TRPM1: variants seen among roughly 807,000 people sequenced by gnomAD.
The protein encoded by TRPM1 is TRPM1-203 APA Isoform, Intron 10.
In TRPM1, 113 loss-of-function variants were observed where a neutral mutation model predicts 149.4. That is an observed-to-expected ratio of 0.76 (90% confidence interval 0.65 to 0.88). The LOEUF (loss-of-function observed/expected upper bound fraction) is 0.88, where lower values mean the gene tolerates loss of function less well. TRPM1 is among the 40% of genes least tolerant of loss of function. The pLI, the probability that TRPM1 is intolerant of heterozygous loss-of-function variation, is 0.00. For synonymous variants in TRPM1, 741 were observed against 759.5 expected (o/e 0.98, Z 0.40); for missense variants, 1,976 against 2,038.7 (o/e 0.97, Z 0.59).
At chr15:31,128,393 C>G (rs1210847812) in intron 1 of TRPM1, among the ~76,000 whole-genome samples, 1 of 152,158 alleles carries the variant, frequency 6.6e-6, no homozygotes, top group African/African-American at 2.4e-5. Flanking sequence ...TGTCTTTGTT[C>G]TGAATTCTTC....
chr15:31,088,589 A>C (rs2035080625), intron 1 of TRPM1, among the ~76,000 whole-genome samples: 1 of 152,240 alleles, frequency 6.6e-6, no homozygotes, highest in South Asian at 2.1e-4. Context: ...GAGCAAGGCC[A>C]AGAACCCACC....
chr15:31,069,651 A>T (rs765861087), intron 4 of TRPM1: 1 of 1,371,198 alleles, frequency 7.3e-7, no homozygotes, highest in Admixed American at 3.2e-5. Flanking sequence ...CAGACCTCAG[A>T]GGAAAATATT....
At chr15:31,128,366 T>G (rs558576755) in intron 1 of TRPM1, among the ~76,000 whole-genome samples, 4 of 152,196 alleles carry the variant, frequency 2.6e-5, no homozygotes. Context: ...TCTCTTTCGC[T>G]TGTGGGCTGC....
intron 1 of TRPM1, among the ~76,000 whole-genome samples, chr15:31,089,022 C>G (rs2035125674): frequency 6.6e-6 from 1 of 152,132 alleles, no homozygotes; most frequent in Non-Finnish European, 1.5e-5. Context: ...GCAAGTGAGG[C>G]ACTCAAATGG....
chr15:31,107,231 T>C (rs1021490371), intron 1 of TRPM1, among the ~76,000 whole-genome samples: 1 of 152,208 alleles, frequency 6.6e-6, no homozygotes, highest in Admixed American at 6.5e-5. Context: ...TCCAATGTCT[T>C]TACTTTTTAT....
At position 31,001,627 on chromosome 15, in the gene TRPM1, G is replaced by A. The variant is rs1026150884; in HGVS notation, c.*195C>T. ...ATCATCACTTTCATTTGATACTACTGCAACTGAAAAAACTAAGCCTACTAA... is the reference window on the plus strand; with the variant it reads ...ATCATCACTTTCATTTGATACTACTACAACTGAAAAAACTAAGCCTACTAA... On this transcript the variant is annotated 3_prime_UTR_variant, in exon 28 of 28. Coordinates refer to ENST00000256552, the MANE Select transcript of TRPM1 (RefSeq NM_001252024.2). 1 of 626,428 alleles carries A rather than the reference G, an allele frequency of 1.6e-6. No homozygotes were observed. Among genetic ancestry groups the A allele is most frequent in the Admixed American group, 3.0e-5 (1 of 33,804 alleles). The allele number at this position is 626,428 out of a possible 1,614,324, so 38.8% of individuals were successfully genotyped here. A position where few individuals can be genotyped will look rare whatever the true frequency, so the allele number is the denominator to read the frequency against.
intron 1 of TRPM1, among the ~76,000 whole-genome samples, chr15:31,088,086 G>T (rs1278720259): frequency 1.3e-5 from 2 of 152,166 alleles, no homozygotes; most frequent in Non-Finnish European, 2.9e-5. Flanking sequence ...CTTCTGGGTC[G>T]GGTGGGGACT....
In TRPM1 at chr15:31,090,959, G is replaced by A. The variant is rs1026798296; in HGVS notation, c.-83-9521C>T. 8.5e-5 allele frequency among the ~76,000 whole-genome samples: 13 copies of A among 152,324 alleles called. No homozygotes were observed. In the East Asian group the frequency reaches 2.3e-3, roughly 27 times the overall value. On this transcript the variant is annotated intron_variant, in intron 1 of 27. Transcript: ENST00000256552. The stretch of plus-strand genomic sequence containing the variant: ...TTCTCATGGTTTCTGTAAGGATTAA[G>A]TGTGATTAAGTGTGTAAAACTTCAA...
Position 31,041,941 on chromosome 15 carries a change from A to T in TRPM1, c.2087+10T>A, listed in dbSNP as rs899473318. The T allele has an allele frequency of 2.5e-6, 4 of 1,614,066 alleles. No homozygotes were observed. Among genetic ancestry groups the T allele is most frequent in the Non-Finnish European group, 3.4e-6 (4 of 1,179,986 alleles). ...CTCTCCTGGCCTTTAAATCCCCGCT[A>T]GACACTAACTTGGAATTGTTATCCA... On this transcript the variant is annotated intron_variant, in intron 17 of 27. Coordinates refer to ENST00000256552, the MANE Select transcript of TRPM1 (RefSeq NM_001252024.2).
intron 8 of TRPM1, 151 bp from the exon 9 acceptor site, chr15:31,062,853 T>A: frequency 9.8e-7 from 1 of 1,023,390 alleles, no homozygotes; most frequent in Non-Finnish European, 1.5e-6. Context: ...AACATCGTAT[T>A]CTCACTTGTC....
intron 3 of TRPM1, chr15:31,070,613 C>T (rs1362665724): frequency 2.0e-5 from 8 of 407,866 alleles, no homozygotes; most frequent in African/African-American, 1.2e-4. Context: ...AGTGTAGTGG[C>T]GCTATCATAG....
rs756035017 is a variant in TRPM1 at position 31,031,155 on chromosome 15, C to T, written c.2955G>A (p.Met985Ile). Reference sequence around the variant, plus strand: ...TGACCACAAAGTACAGCATGTCGATCATCTGAGTAAGGAGAACATTTGTCT... The same window carrying T: ...TGACCACAAAGTACAGCATGTCGATTATCTGAGTAAGGAGAACATTTGTCT... ...GPYVMMIGKM[M>I]IDMLYFVVIM... is the part of the protein sequence containing the mutation. The change falls in exon 23 of 28, where the codon ATG (methionine) becomes ATA (isoleucine). Residue 985 changes from methionine (M) to isoleucine (I), a missense_variant and splice_region_variant. Met to Ile is a conservative substitution (Grantham distance 10). This residue lies in a region of TRPM1 where 1,332 missense variants were observed against 1,347.1 expected (regional missense o/e 0.99). Coordinates refer to ENST00000256552, the MANE Select transcript of TRPM1 (RefSeq NM_001252024.2). The T allele has an allele frequency of 1.9e-6, 3 of 1,614,208 alleles. No homozygotes were observed. Among genetic ancestry groups the T allele is most frequent in the East Asian group, 2.2e-5 (1 of 44,892 alleles).
intron 1 of TRPM1, among the ~76,000 whole-genome samples, chr15:31,159,047 T>A (rs939624143): frequency 2.6e-5 from 4 of 152,120 alleles, no homozygotes; most frequent in African/African-American, 9.7e-5. Flanking sequence ...TCGCTCTGGT[T>A]CAAACACCTT....
intron 1 of TRPM1, among the ~76,000 whole-genome samples, chr15:31,111,348 C>T (rs1299307086): frequency 6.6e-6 from 1 of 152,180 alleles, no homozygotes. Flanking sequence ...TTTGCTGGGA[C>T]CTAATGGAGG....
intron 1 of TRPM1, among the ~76,000 whole-genome samples, chr15:31,125,011 C>CA (rs962567240): frequency 2.7e-4 from 41 of 151,792 alleles, no homozygotes; most frequent in African/African-American, 8.9e-4. Context: ...CCGTCTCTTT[C>CA]AAAAATACAA....
chr15:31,109,333 C>CTAAA (rs2035651239), intron 1 of TRPM1, among the ~76,000 whole-genome samples: 2 of 32,298 alleles, frequency 6.2e-5, no homozygotes, highest in Non-Finnish European at 1.2e-4. Context: ...GACTCTGCCT[C>CTAAA]AAAAAAAAAA....
chr15:31,149,588 T>C (rs563916141), intron 1 of TRPM1, among the ~76,000 whole-genome samples: 44 of 151,460 alleles, frequency 2.9e-4, no homozygotes, highest in South Asian at 1.5e-3. Flanking sequence ...GGCGCGATCT[T>C]GGCTCACTGC....
At chr15:31,080,154 G>A (rs934422469) in intron 2 of TRPM1, among the ~76,000 whole-genome samples, 1 of 152,162 alleles carries the variant, frequency 6.6e-6, no homozygotes, top group African/African-American at 2.4e-5. Flanking sequence ...ATTAAATGTG[G>A]AAGGAATGAT....
At chr15:31,050,255 G>C (rs536797222) in intron 12 of TRPM1, among the ~76,000 whole-genome samples, 154 bp downstream of exon 12, 1 of 152,138 alleles carries the variant, frequency 6.6e-6, no homozygotes, top group Non-Finnish European at 1.5e-5. Flanking sequence ...CGAATGTGCT[G>C]TTGTAGTTTG....
Sources: allele counts gnomAD v4.1 joint callset (sites outside exome capture counted in the v4.1 genomes callset), GRCh38; gene constraint gnomAD v4.1.1; regional missense constraint gnomAD v4.1.1; transcripts MANE v1.5; gene names NCBI Gene and HGNC (gene_info 2026-07-23, HGNC 2026-07-21).